Variants in SCAPER observed in about 807,000 individuals in gnomAD.
SCAPER encodes S-phase cyclin A associated protein in the ER, also known as S phase cyclin A-associated protein in the endoplasmic reticulum.
SCAPER carries 98 observed loss-of-function variants against 182.2 expected under a neutral mutation model. The observed-to-expected ratio is 0.54, with a 90% CI of 0.46 to 0.64. The LOEUF (loss-of-function observed/expected upper bound fraction) is 0.64. Among genes scored for constraint, SCAPER ranks in the 30% least tolerant of loss-of-function variants. The probability of loss-of-function intolerance (pLI) is 0.00; values close to 1 mark genes in which losing one functional copy is unlikely to be tolerated. For synonymous variants in SCAPER, 605 were observed against 564.6 expected (o/e 1.07, Z -1.01); for missense variants, 1,432 against 1,690.0 (o/e 0.85, Z 2.68).
intron 27 of SCAPER, among the ~76,000 whole-genome samples, chr15:76,382,060 C>T (rs931932816): frequency 2.0e-5 from 3 of 152,162 alleles, no homozygotes; most frequent in Admixed American, 1.3e-4. Flanking sequence ...GCCTCAAAAA[C>T]CCAGTAATGT....
At chr15:76,630,011 T>C (rs1567646148) in intron 21 of SCAPER, among the ~76,000 whole-genome samples, 1 of 152,188 alleles carries the variant, frequency 6.6e-6, no homozygotes, top group Non-Finnish European at 1.5e-5. Flanking sequence ...TGTCCAGGAA[T>C]TTATCCATTT....
intron 16 of SCAPER, among the ~76,000 whole-genome samples, chr15:76,729,213 T>G (rs1196115349): frequency 3.3e-5 from 5 of 151,698 alleles, no homozygotes; most frequent in Admixed American, 6.6e-5. Context: ...TGGGACCTTG[T>G]GATTGTGTGA....
At chr15:76,881,838 G>C (rs2073559550) in intron 2 of SCAPER, among the ~76,000 whole-genome samples, 3 of 152,090 alleles carry the variant, frequency 2.0e-5, no homozygotes, top group Admixed American at 6.5e-5. Context: ...TAATACCACT[G>C]AACTGTATAC....
intron 23 of SCAPER, among the ~76,000 whole-genome samples, chr15:76,556,030 A>T (rs1053144103): frequency 6.6e-6 from 1 of 152,154 alleles, no homozygotes; most frequent in African/African-American, 2.4e-5. Flanking sequence ...CATACTGACC[A>T]TACTCTCAGA....
At chr15:76,353,861 G>C in intron 30 of SCAPER, 88 bp downstream of exon 30, 6 of 1,183,556 alleles carry the variant, frequency 5.1e-6, no homozygotes, top group Non-Finnish European at 5.6e-6. Context: ...AGTATGGAAG[G>C]CAAAAATAAA....
intron 26 of SCAPER, among the ~76,000 whole-genome samples, chr15:76,430,328 T>C (rs1047198166): frequency 1.1e-4 from 16 of 152,314 alleles, no homozygotes; most frequent in Admixed American, 9.1e-4. Context: ...AGAGGACCAC[T>C]GTCCTCCAGA....
intron 10 of SCAPER, among the ~76,000 whole-genome samples, chr15:76,768,960 TG>T (rs1172091683): frequency 2.0e-5 from 3 of 152,166 alleles, no homozygotes; most frequent in Non-Finnish European, 2.9e-5. Context: ...TTGTGTTACA[TG>T]GATAAATCTC....
intron 22 of SCAPER, among the ~76,000 whole-genome samples, chr15:76,591,822 G>A (rs1379377080): frequency 1.3e-5 from 2 of 152,200 alleles, no homozygotes; most frequent in Admixed American, 6.5e-5. Context: ...TACTTTGGGA[G>A]GCCAAAGTGG....
At chr15:76,743,803 T>C (rs1336774318) in intron 15 of SCAPER, among the ~76,000 whole-genome samples, 1 of 152,168 alleles carries the variant, frequency 6.6e-6, no homozygotes, top group African/African-American at 2.4e-5. Context: ...AAAATTCGTA[T>C]GGAACCAAAA....
intron 21 of SCAPER, among the ~76,000 whole-genome samples, chr15:76,632,760 G>C (rs1452212566): frequency 6.7e-6 from 1 of 149,376 alleles, no homozygotes; most frequent in Non-Finnish European, 1.5e-5. Context: ...GATCTCTGAG[G>C]CTGCTGACTT....
chr15:76,811,312 G>C (rs753458860), intron 5 of SCAPER, among the ~76,000 whole-genome samples: 1 of 152,052 alleles, frequency 6.6e-6, no homozygotes, highest in Non-Finnish European at 1.5e-5. Flanking sequence ...GCAATTGAAT[G>C]AAACTAGAAA....
chr15:76,638,711 C>A (rs575037711), intron 21 of SCAPER, among the ~76,000 whole-genome samples: 12 of 152,210 alleles, frequency 7.9e-5, no homozygotes, highest in Non-Finnish European at 1.3e-4. Context: ...ATGAGATTTT[C>A]TTCAAGTATA....
intron 23 of SCAPER, among the ~76,000 whole-genome samples, chr15:76,532,709 T>C (rs749912662): frequency 2.0e-5 from 3 of 152,092 alleles, no homozygotes; most frequent in Non-Finnish European, 4.4e-5. Flanking sequence ...GTCTTGAAAA[T>C]AGCATGCACA....
intron 9 of SCAPER, among the ~76,000 whole-genome samples, chr15:76,773,353 A>G (rs1240458604): frequency 6.6e-6 from 1 of 151,938 alleles, no homozygotes; most frequent in Non-Finnish European, 1.5e-5. Flanking sequence ...TGTACAGATT[A>G]TTCCTGAAAT....
At chr15:76,739,648 T>C (rs2061446871) in intron 15 of SCAPER, among the ~76,000 whole-genome samples, 1 of 152,188 alleles carries the variant, frequency 6.6e-6, no homozygotes, top group African/African-American at 2.4e-5. Context: ...ATCTGAAACT[T>C]ATGAATTGTT....
intron 25 of SCAPER, among the ~76,000 whole-genome samples, chr15:76,465,820 A>T (rs1427080724): frequency 2.0e-5 from 3 of 152,034 alleles, no homozygotes. Context: ...AGTTTATTGA[A>T]GACTACCTTT....
intron 4 of SCAPER, among the ~76,000 whole-genome samples, chr15:76,854,921 G>A (rs1260499254): frequency 6.0e-5 from 9 of 150,002 alleles, no homozygotes; most frequent in East Asian, 3.9e-4. Context: ...GCAGTGAGCC[G>A]AGATCACACC....
chr15:76,485,408 T>C (rs947538328), intron 24 of SCAPER, among the ~76,000 whole-genome samples: 2 of 152,168 alleles, frequency 1.3e-5, no homozygotes, highest in Admixed American at 1.3e-4. Flanking sequence ...TGCAAAAATA[T>C]TCCATGCTTA....
intron 25 of SCAPER, among the ~76,000 whole-genome samples, chr15:76,462,290 G>A (rs967608302): frequency 1.3e-5 from 2 of 152,084 alleles, no homozygotes; most frequent in Admixed American, 1.3e-4. Context: ...GTACTTTTCA[G>A]GTATTTGTTT....
Sources: gnomAD v4.1 joint callset for allele counts (sites outside exome capture counted in the v4.1 genomes callset) on GRCh38, gnomAD v4.1.1 for gene constraint, MANE v1.5 for transcripts, NCBI Gene and HGNC (gene_info 2026-07-23, HGNC 2026-07-21) for gene names.